Variants in PRDM15 observed in about 807,000 individuals in gnomAD.
PRDM15 encodes PR domain zinc finger protein 15.
PRDM15 carries 64 observed loss-of-function variants against 128.6 expected under a neutral mutation model. That is an observed-to-expected ratio of 0.50 (90% confidence interval 0.41 to 0.61). PRDM15 has a LOEUF of 0.61. Among genes scored for constraint, PRDM15 ranks in the 20% least tolerant of loss-of-function variants. The pLI is 0.00. For missense variants in PRDM15, 1,242 were observed against 1,569.1 expected (o/e 0.79, Z 3.52); for synonymous variants, 615 against 621.8 (o/e 0.99, Z 0.16).
In PRDM15 at chr21:41,839,691, C is replaced by T. The variant is rs1248998942; in HGVS notation, c.803G>A (p.Arg268Lys). The change falls in exon 7 of 24, where the codon AGG becomes AAG. Residue 268 changes from arginine (R) to lysine (K), a missense_variant. Arg to Lys is a conservative substitution (Grantham distance 26, BLOSUM62 2). Coordinates refer to ENST00000398548, the MANE Select transcript of PRDM15 (RefSeq NM_001040424.3). ...ATKEQKKKPRRGRKPKVSKAE... is the reference protein window; with the variant it reads ...ATKEQKKKPRKGRKPKVSKAE... ...TTTGGACACTTTGGGTTTTCTCCCC[C>T]TTCGAGGCTTTTTCTTCTGTTCTTT... 1 of 1,614,268 alleles carries T rather than the reference C, an allele frequency of 6.2e-7. No individual in the cohort carries two copies. Among genetic ancestry groups the T allele is most frequent in the East Asian group, 2.2e-5 (1 of 44,882 alleles).
At chr21:41,872,720 T>C (rs2064257051) in intron 1 of PRDM15, among the ~76,000 whole-genome samples, 1 of 152,030 alleles carries the variant, frequency 6.6e-6, no homozygotes. Flanking sequence ...GGGCCAGAGG[T>C]GGTGGTTCAG....
At chr21:41,871,547 TCA>T (rs1210847659) in intron 1 of PRDM15, 5 of 1,611,780 alleles carry the variant, frequency 3.1e-6, no homozygotes, top group Non-Finnish European at 4.2e-6. Context: ...GCTCAGTGGC[TCA>T]GTGTCGGACA....
At chr21:41,806,012 CCACCAT>C (rs1568879662) in intron 21 of PRDM15, among the ~76,000 whole-genome samples, 69 of 41,034 alleles carry the variant, frequency 1.7e-3, no homozygotes, top group Non-Finnish European at 2.8e-3. Flanking sequence ...ACCATCACCA[CCACCAT>C]CACCACCACC....
intron 1 of PRDM15, chr21:41,878,743 C>T (rs764300291): frequency 2.6e-6 from 4 of 1,565,646 alleles, no homozygotes; most frequent in Non-Finnish European, 3.4e-6. Context: ...GGGACCCCCC[C>T]GTGCGACCCG....
At chr21:41,834,594 T>A in intron 11 of PRDM15, 1 of 1,533,446 alleles carries the variant, frequency 6.5e-7, no homozygotes, top group Non-Finnish European at 8.8e-7. Context: ...AAGGCAACAG[T>A]GACTCACCCC....
At position 41,859,252 on chromosome 21, in the gene PRDM15, G is replaced by A. The variant is rs573723974; in HGVS notation, c.131+340C>T. On this transcript the variant is annotated intron_variant, in intron 3 of 23. Coordinates refer to ENST00000398548, the MANE Select transcript of PRDM15 (RefSeq NM_001040424.3). This position sits in a 1 kb window ranked among gnomAD's most constrained non-coding sequence, Gnocchi z 5.3. Reference sequence around the variant, plus strand: ...ACCTGGAATGCAGAGAGAAGCCAACGAGCAGACCTCCAGCTTGGCTGCTGG... The same window carrying A: ...ACCTGGAATGCAGAGAGAAGCCAACAAGCAGACCTCCAGCTTGGCTGCTGG... 17 of 1,607,956 alleles carry A rather than the reference G, an allele frequency of 1.1e-5. No individual in the cohort carries two copies. The highest frequency in any genetic ancestry group is 3.3e-4 in the Middle Eastern group (2 of 6,022).
rs1328096871 is a variant in PRDM15 at position 41,828,603 on chromosome 21, C to T, written c.1367-270G>A. Among the ~76,000 whole-genome samples, 1 of 152,004 alleles carries T rather than the reference C, an allele frequency of 6.6e-6. No homozygotes were observed. The highest frequency in any genetic ancestry group is 1.5e-5 in the Non-Finnish European group (1 of 67,976). On this transcript the variant is annotated intron_variant, in intron 11 of 23. Transcript: ENST00000398548. This position sits in a 1 kb window ranked among gnomAD's most constrained non-coding sequence, Gnocchi z 5.7. ...CGCCAGCCGCCTCCCTCCCGGGCCA[C>T]CCTGCCCCACAGCACCTGGGGACGA... is the stretch of plus-strand genomic sequence containing the variant.
intron 2 of PRDM15, 110 bp downstream of exon 2, chr21:41,860,216 AT>A: frequency 3.9e-6 from 3 of 768,154 alleles, no homozygotes; most frequent in South Asian, 3.3e-5. Flanking sequence ...TTTCTATATT[AT>A]AAAAACCAAA....
intron 3 of PRDM15, among the ~76,000 whole-genome samples, chr21:41,857,774 A>C (rs888771668): frequency 6.6e-6 from 1 of 152,194 alleles, no homozygotes; most frequent in Non-Finnish European, 1.5e-5. Context: ...AAAAGAAAAA[A>C]AACAACAGAA....
chr21:41,831,562 T>C (rs2062692221), intron 11 of PRDM15, among the ~76,000 whole-genome samples: 1 of 152,180 alleles, frequency 6.6e-6, no homozygotes, highest in African/African-American at 2.4e-5. Flanking sequence ...GCAGCCCAGG[T>C]TGGGGGTGAG....
At chr21:41,846,063 G>A (rs1043900216) in intron 6 of PRDM15, among the ~76,000 whole-genome samples, 1 of 152,134 alleles carries the variant, frequency 6.6e-6, no homozygotes, top group Non-Finnish European at 1.5e-5. Flanking sequence ...AAGCCAAGAT[G>A]AGTAGGATGT....
In PRDM15 at chr21:41,859,191, C is replaced by A. The variant is rs1238799071; in HGVS notation, c.131+401G>T. ...TCCTCATAACCCCGCATCCCCTGCC[C>A]CGCCTGGGTGTGCACGTGTCCGCTG... On this transcript the variant is annotated intron_variant, in intron 3 of 23. Coordinates refer to ENST00000398548, the MANE Select transcript of PRDM15 (RefSeq NM_001040424.3). This position sits in a 1 kb window ranked among gnomAD's most constrained non-coding sequence, Gnocchi z 5.3. 2 of 1,613,984 alleles carry A rather than the reference C, an allele frequency of 1.2e-6. No homozygotes were observed. The highest frequency in any genetic ancestry group is 2.2e-5 in the East Asian group (1 of 44,876).
intron 1 of PRDM15, among the ~76,000 whole-genome samples, chr21:41,865,304 C>T (rs918276855): frequency 3.3e-5 from 5 of 152,180 alleles, no homozygotes; most frequent in African/African-American, 7.2e-5. Context: ...AAGCGCTCTG[C>T]GATTTCCTTC....
Position 41,879,235 on chromosome 21 carries a change from G to C in PRDM15, c.-10+35C>G. ...GCCCGGGGCCGGCGGGGCGCACGCC[G>C]GGGCGGGCGGCGGGCGCAGGGCCCG... On this transcript the variant is annotated intron_variant, in intron 1 of 23. Coordinates refer to ENST00000398548, the MANE Select transcript of PRDM15 (RefSeq NM_001040424.3). This position sits in a 1 kb window ranked among gnomAD's most constrained non-coding sequence, Gnocchi z 5.1. 2.3e-6 allele frequency: 2 copies of C among 875,392 alleles called. No homozygotes were observed. The highest frequency in any genetic ancestry group is 1.4e-6 in the Non-Finnish European group (1 of 728,740). The allele number at this position is 875,392 out of a possible 1,614,324, so 54.2% of individuals were successfully genotyped here.
At chr21:41,822,084 TTCAC>T (rs2062295104) in intron 14 of PRDM15, 47 bp from the exon 15 acceptor site, 2 of 1,609,928 alleles carry the variant, frequency 1.2e-6, no homozygotes, top group Non-Finnish European at 8.5e-7. Context: ...CAGCAGACGC[TTCAC>T]TCAGTTATCT....
chr21:41,846,611 C>T (rs1052163416), intron 6 of PRDM15, among the ~76,000 whole-genome samples: 8 of 152,322 alleles, frequency 5.3e-5, no homozygotes, highest in African/African-American at 9.6e-5. Context: ...GTGGGAGGAT[C>T]GCTTGAGCCT....
In PRDM15 at chr21:41,847,162, C is replaced by CG; in HGVS notation, c.567dup (p.Val190ArgfsTer11). ...GCCCACTGGCTGGGCTCCGACTCCA[C>CG]GGGGGCGCTGTTTTCTGGGGTGCCT... is the stretch of plus-strand genomic sequence containing the variant. On this transcript the variant is annotated frameshift_variant, in exon 6 of 24. Transcript: ENST00000398548. LOFTEE classifies it high-confidence loss of function. The CG allele has an allele frequency of 6.4e-7, 1 of 1,553,894 alleles. No individual in the cohort carries two copies. Among genetic ancestry groups the CG allele is most frequent in the Non-Finnish European group, 8.7e-7 (1 of 1,147,834 alleles).
intron 6 of PRDM15, among the ~76,000 whole-genome samples, chr21:41,845,474 G>A (rs2063235010): frequency 6.6e-6 from 1 of 151,704 alleles, no homozygotes; most frequent in Admixed American, 6.6e-5. Context: ...AGAAGGCAGA[G>A]CCGTCACCTG....
chr21:41,825,926 C>T (rs758800686), intron 13 of PRDM15, 34 bp downstream of exon 13: 2 of 1,480,130 alleles, frequency 1.4e-6, no homozygotes, highest in East Asian at 4.5e-5. Context: ...ATGTGCTTTC[C>T]ATCTCAGCGT....
Sources: allele counts gnomAD v4.1 joint callset (sites outside exome capture counted in the v4.1 genomes callset), GRCh38; gene constraint gnomAD v4.1.1; non-coding constraint Gnocchi (gnomAD v3.1); transcripts MANE v1.5; gene names NCBI Gene and HGNC (gene_info 2026-07-23, HGNC 2026-07-21).